Variants in ATP10A observed in about 807,000 individuals in gnomAD.
The protein encoded by ATP10A is ATPase phospholipid transporting 10A (putative), also known as phospholipid-transporting ATPase VA.
Under a neutral mutation model 147.8 loss-of-function variants are expected in ATP10A, and 111 were observed. The ratio of observed to expected loss-of-function variants is 0.75; its 90% confidence interval spans 0.64 to 0.88. The LOEUF (loss-of-function observed/expected upper bound fraction) is 0.88. Among genes scored for constraint, ATP10A ranks in the 40% least tolerant of loss-of-function variants. The pLI is 0.00. For missense variants in ATP10A, 1,927 were observed against 1,959.0 expected (o/e 0.98, Z 0.31); for synonymous variants, 875 against 841.6 (o/e 1.04, Z -0.69).
intron 1 of ATP10A, among the ~76,000 whole-genome samples, chr15:25,784,167 G>A (rs1890052701): frequency 6.6e-6 from 1 of 152,198 alleles, no homozygotes; most frequent in Non-Finnish European, 1.5e-5. Context: ...CCATTTGAAA[G>A]GGCCTGTCCC....
chr15:25,812,562 C>CT (rs2140821665), intron 1 of ATP10A, among the ~76,000 whole-genome samples: 1 of 152,276 alleles, frequency 6.6e-6, no homozygotes, highest in African/African-American at 2.4e-5. Flanking sequence ...TATCAAAGCC[C>CT]TTTAATTTAT....
intron 3 of ATP10A, among the ~76,000 whole-genome samples, chr15:25,728,993 C>T (rs1022851155): frequency 3.9e-5 from 6 of 152,088 alleles, no homozygotes; most frequent in East Asian, 1.9e-4. Context: ...GAGGCCCGGC[C>T]GAGGGCGACA....
At chr15:25,694,650 T>A (rs1170449325) in intron 14 of ATP10A, among the ~76,000 whole-genome samples, 169 bp downstream of exon 14, 2 of 152,244 alleles carry the variant, frequency 1.3e-5, no homozygotes, top group Non-Finnish European at 2.9e-5. Context: ...GGCTTTCCAA[T>A]GTAAACTTTA....
chr15:25,705,823 T>C (rs1318699955), intron 12 of ATP10A, among the ~76,000 whole-genome samples: 2 of 152,240 alleles, frequency 1.3e-5, no homozygotes, highest in African/African-American at 4.8e-5. Flanking sequence ...TGTGGGCTAC[T>C]GCAAAATTCT....
At chr15:25,734,588 C>A (rs1285134765) in intron 3 of ATP10A, among the ~76,000 whole-genome samples, 3 of 152,106 alleles carry the variant, frequency 2.0e-5, no homozygotes, top group African/African-American at 7.2e-5. Context: ...GAAGATGGCC[C>A]AGGAGTCAAG....
chr15:25,691,672 G>A, intron 15 of ATP10A, 43 bp downstream of exon 15: 1 of 1,600,690 alleles, frequency 6.2e-7, no homozygotes, highest in South Asian at 1.1e-5. Flanking sequence ...CAAGAGGTCA[G>A]TAGGGCCAAT....
At chr15:25,742,214 G>C (rs540663687) in intron 2 of ATP10A, among the ~76,000 whole-genome samples, 95 of 152,360 alleles carry the variant, frequency 6.2e-4, no homozygotes, top group African/African-American at 2.1e-3. Context: ...AGCTGACAGG[G>C]ACAATGAGAA....
At chr15:25,734,553 G>A (rs751593591) in intron 3 of ATP10A, among the ~76,000 whole-genome samples, 1 of 152,104 alleles carries the variant, frequency 6.6e-6, no homozygotes, top group Non-Finnish European at 1.5e-5. Flanking sequence ...CAAACTCTTG[G>A]GGCAAGGGAT....
At chr15:25,744,169 T>G (rs1887718460) in intron 2 of ATP10A, among the ~76,000 whole-genome samples, 1 of 152,040 alleles carries the variant, frequency 6.6e-6, no homozygotes. Flanking sequence ...ATCAAACACA[T>G]CCAGAACACT....
intron 1 of ATP10A, among the ~76,000 whole-genome samples, chr15:25,835,518 G>GT (rs1057419774): frequency 2.6e-4 from 39 of 152,272 alleles, no homozygotes; most frequent in African/African-American, 8.9e-4. Context: ...GGTCAGCACA[G>GT]TTTTTGCCAA....
intron 2 of ATP10A, among the ~76,000 whole-genome samples, chr15:25,743,544 AGCT>A (rs1887679748): frequency 6.6e-6 from 1 of 152,244 alleles, no homozygotes; most frequent in Non-Finnish European, 1.5e-5. Context: ...GAGGGTCTAC[AGCT>A]TCTGCAAGAT....
chr15:25,846,590 T>G (rs1893033407), intron 1 of ATP10A, among the ~76,000 whole-genome samples: 1 of 152,090 alleles, frequency 6.6e-6, no homozygotes, highest in African/African-American at 2.4e-5. Flanking sequence ...CTGCTGAGCG[T>G]TCTTCAAGCC....
At chr15:25,843,241 C>T (rs1431717147) in intron 1 of ATP10A, among the ~76,000 whole-genome samples, 2 of 148,530 alleles carry the variant, frequency 1.3e-5, no homozygotes, top group East Asian at 2.0e-4. Flanking sequence ...CCACCCCCAC[C>T]GTCCCGGGGT....
chr15:25,715,700 T>A (rs1901756106), intron 9 of ATP10A, among the ~76,000 whole-genome samples: 1 of 152,202 alleles, frequency 6.6e-6, no homozygotes, highest in African/African-American at 2.4e-5. Context: ...GGCAGGCCTG[T>A]CCACTTGGGA....
At chr15:25,842,927 C>T (rs1186301097) in intron 1 of ATP10A, among the ~76,000 whole-genome samples, 1 of 152,082 alleles carries the variant, frequency 6.6e-6, no homozygotes, top group Non-Finnish European at 1.5e-5. Context: ...CTATGTTGCC[C>T]AAGCTGGTCT....
chr15:25,825,400 G>A (rs568212838), intron 1 of ATP10A, among the ~76,000 whole-genome samples: 60 of 152,238 alleles, frequency 3.9e-4, no homozygotes, highest in African/African-American at 1.3e-3. Context: ...ATATAAACAT[G>A]CTCAGAGCTA....
chr15:25,851,772 C>A lies in ATP10A; in HGVS notation c.449+10876G>T, dbSNP rs528982227. ...CTAAAATTCTTTGGGCTTGGAGGCA[C>A]AATTCAGTGTCTTAGCAATGTGGAC... On this transcript the variant is annotated intron_variant, in intron 1 of 20. Transcript: ENST00000555815. 5.3e-5 allele frequency among the ~76,000 whole-genome samples: 8 copies of A among 152,228 alleles called. No homozygotes were observed. In the South Asian group the frequency reaches 1.7e-3, roughly 32 times the overall value.
chr15:25,800,509 G>T (rs766447053), intron 1 of ATP10A, among the ~76,000 whole-genome samples: 1 of 152,178 alleles, frequency 6.6e-6, no homozygotes, highest in Non-Finnish European at 1.5e-5. Flanking sequence ...TTGCAGCTGG[G>T]AGCTGACCAC....
At chr15:25,685,501 G>A (rs576688596) in intron 16 of ATP10A, among the ~76,000 whole-genome samples, 1 of 152,162 alleles carries the variant, frequency 6.6e-6, no homozygotes, top group Non-Finnish European at 1.5e-5. Flanking sequence ...TTAGGGATCA[G>A]CTGGCTCAAC....
Sources: gnomAD v4.1 joint callset for allele counts (sites outside exome capture counted in the v4.1 genomes callset) on GRCh38, gnomAD v4.1.1 for gene constraint, MANE v1.5 for transcripts, NCBI Gene and HGNC (gene_info 2026-07-23, HGNC 2026-07-21) for gene names.